SOX5: variants seen among roughly 807,000 people sequenced by gnomAD.
SOX5 encodes the protein transcription factor SOX-5.
A neutral mutation model predicts 92.0 loss-of-function variants in SOX5; 9 were observed. The ratio of observed to expected loss-of-function variants is 0.10; its 90% CI spans 0.06 to 0.17. The LOEUF (loss-of-function observed/expected upper bound fraction) is 0.17, where lower values mean the gene tolerates loss of function less well. Ranked by LOEUF, SOX5 falls within the 10% of genes least tolerant of loss-of-function variation. SOX5 has a pLI of 1.00. For missense variants in SOX5, 642 were observed against 944.5 expected, an observed-to-expected ratio of 0.68 and a Z score of 4.20; for synonymous variants, 344 against 336.3, an observed-to-expected ratio of 1.02 and a Z score of -0.25.
In SOX5 at chr12:23,721,749, C is replaced by T. The variant is rs1472466296; in HGVS notation, c.810+12935G>A. Among the ~76,000 whole-genome samples the T allele has an allele frequency of 2.0e-5, 3 of 152,170 alleles. No homozygotes were observed. The East Asian group carries it at 5.8e-4, about 29-fold the overall frequency. Reference sequence around the variant, plus strand: ...ATAATTTGCAGGATCAAGAATTGCACCCACAAAGCATGGAGTTGGCTGTTC... The same window carrying T: ...ATAATTTGCAGGATCAAGAATTGCATCCACAAAGCATGGAGTTGGCTGTTC... On this transcript the variant is annotated intron_variant, in intron 6 of 14. Transcript: ENST00000451604.
intron 8 of SOX5, among the ~76,000 whole-genome samples, 197 bp downstream of exon 8, chr12:23,640,615 T>C (rs978305342): frequency 2.0e-5 from 3 of 152,212 alleles, no homozygotes; most frequent in Non-Finnish European, 4.4e-5. Flanking sequence ...CGATAAGCTA[T>C]GTTTAGTGCA....
chr12:23,889,840 G>T (rs2097110074), intron 2 of SOX5, among the ~76,000 whole-genome samples: 1 of 151,976 alleles, frequency 6.6e-6, no homozygotes, highest in African/African-American at 2.4e-5. Context: ...CAAACTAAGA[G>T]ATTATATATT....
At chr12:23,892,691 AT>A (rs1429959276) in intron 2 of SOX5, among the ~76,000 whole-genome samples, 1 of 152,226 alleles carries the variant, frequency 6.6e-6, no homozygotes, top group African/African-American at 2.4e-5. Flanking sequence ...GCAGAAACAA[AT>A]TTAGAAACTA....
chr12:24,240,653 A>G (rs1010520081), intron 3 of SOX5, among the ~76,000 whole-genome samples: 2 of 152,108 alleles, frequency 1.3e-5, no homozygotes, highest in African/African-American at 4.8e-5. Flanking sequence ...TCTATCCCAA[A>G]CTAATTTTTA....
At chr12:23,803,579 T>C (rs902268301) in intron 3 of SOX5, among the ~76,000 whole-genome samples, 6 of 152,196 alleles carry the variant, frequency 3.9e-5, no homozygotes, top group Non-Finnish European at 7.4e-5. Context: ...AAATATTTAA[T>C]ACTAATCTGC....
At chr12:24,079,210 C>A (rs1424866217) in intron 4 of SOX5, among the ~76,000 whole-genome samples, 1 of 150,000 alleles carries the variant, frequency 6.7e-6, no homozygotes, top group Non-Finnish European at 1.5e-5. Flanking sequence ...AAAAAACCAG[C>A]TTCAGAATTT....
intron 1 of SOX5, among the ~76,000 whole-genome samples, chr12:24,519,289 C>A (rs1435343586): frequency 6.6e-6 from 1 of 151,834 alleles, no homozygotes; most frequent in Non-Finnish European, 1.5e-5. Flanking sequence ...ATTTGTCTCC[C>A]CAGTGAACTT....
chr12:23,865,583 G>C (rs981313639), intron 2 of SOX5, among the ~76,000 whole-genome samples: 10 of 152,034 alleles, frequency 6.6e-5, no homozygotes, highest in Non-Finnish European at 1.3e-4. Context: ...GCTGAGGCAG[G>C]AGAATCACTT....
intron 4 of SOX5, among the ~76,000 whole-genome samples, chr12:23,985,654 C>A (rs1236834644): frequency 7.2e-6 from 1 of 138,260 alleles, no homozygotes; most frequent in Non-Finnish European, 1.6e-5. Flanking sequence ...TCTTGAAATG[C>A]TTCCCTTATT....
chr12:23,963,253 T>C (rs1213100178), intron 4 of SOX5, among the ~76,000 whole-genome samples: 1 of 152,176 alleles, frequency 6.6e-6, no homozygotes, highest in East Asian at 1.9e-4. Context: ...CCAACTAACA[T>C]GCTGACAAAA....
In SOX5 at chr12:23,884,282, G is replaced by A. The variant is rs187034048; in HGVS notation, c.270+11511C>T. On this transcript the variant is annotated intron_variant, in intron 2 of 14. Transcript: ENST00000451604. Reference sequence around the variant, plus strand: ...CCAAATGCCATACAGATATCAAACGGATCTTGGAATTTACCCAGTAATTTT... The same window carrying A: ...CCAAATGCCATACAGATATCAAACGAATCTTGGAATTTACCCAGTAATTTT... Among the ~76,000 whole-genome samples the A allele has an allele frequency of 3.9e-5, 6 of 152,252 alleles. No individual in the cohort carries two copies. The East Asian group carries it at 1.2e-3, about 29-fold the overall frequency.
At chr12:23,794,771 T>A (rs188038014) in intron 3 of SOX5, among the ~76,000 whole-genome samples, 79 of 152,284 alleles carry the variant, frequency 5.2e-4, no homozygotes, top group Admixed American at 2.6e-3. Context: ...AACAGCTGAT[T>A]ACCTTAGGAC....
chr12:23,812,273 C>T (rs2095888989), intron 3 of SOX5, among the ~76,000 whole-genome samples: 1 of 152,046 alleles, frequency 6.6e-6, no homozygotes, highest in Non-Finnish European at 1.5e-5. Context: ...ATCTATCAAA[C>T]AAGCTGCAAC....
intron 4 of SOX5, among the ~76,000 whole-genome samples, chr12:23,741,242 C>T (rs1230660123): frequency 6.6e-6 from 1 of 152,092 alleles, no homozygotes; most frequent in East Asian, 1.9e-4. Flanking sequence ...ATGAACTTGG[C>T]TCTCTGGCAC....
intron 3 of SOX5, among the ~76,000 whole-genome samples, chr12:23,810,648 G>C (rs895126339): frequency 2.0e-5 from 3 of 152,188 alleles, no homozygotes; most frequent in Admixed American, 2.0e-4. Flanking sequence ...CTTCAGAGGA[G>C]AATGTCACCT....
At chr12:24,262,063 T>C (rs1942175947) in intron 3 of SOX5, among the ~76,000 whole-genome samples, 1 of 152,208 alleles carries the variant, frequency 6.6e-6, no homozygotes, top group Non-Finnish European at 1.5e-5. Context: ...CGATTAGGTA[T>C]ACAATTCACA....
chr12:24,018,435 G>A (rs1953914185), intron 4 of SOX5, among the ~76,000 whole-genome samples: 1 of 152,124 alleles, frequency 6.6e-6, no homozygotes, highest in Admixed American at 6.6e-5. Flanking sequence ...CAGAAAATCA[G>A]GCTTTGAAGG....
rs554637757 is a variant in SOX5 at position 24,008,360 on chromosome 12, C to T, written c.-1-112336G>A. On this transcript the variant is annotated intron_variant, in intron 4 of 4. Coordinates refer to the SOX5 transcript ENST00000446891. ...GAACCGACTATTATGATTGTTTCTG[C>T]AACGCTGGAAATATGTAAATGAAGA... Among the ~76,000 whole-genome samples, 13 of 152,170 alleles carry T rather than the reference C, an allele frequency of 8.5e-5. No individual in the cohort carries two copies. The South Asian group carries it at 1.7e-3, about 19-fold the overall frequency.
chr12:23,832,764 C>T (rs12319752), intron 3 of SOX5, among the ~76,000 whole-genome samples: 2,197 of 150,216 alleles, frequency 0.015, 55 homozygotes, highest in African/African-American at 0.05. Flanking sequence ...TTTTTTACAA[C>T]GTAAATTACA....
Sources: allele counts gnomAD v4.1 joint callset (sites outside exome capture counted in the v4.1 genomes callset), GRCh38; gene constraint gnomAD v4.1.1; transcripts MANE v1.5; gene names NCBI Gene and HGNC (gene_info 2026-07-23, HGNC 2026-07-21).